NXPH1: variants seen among roughly 807,000 people sequenced by gnomAD.
NXPH1 encodes neurexophilin-1.
A neutral mutation model predicts 23.7 loss-of-function variants in NXPH1; 5 were observed. The observed-to-expected ratio is 0.21, with a 90% confidence interval of 0.11 to 0.44. The LOEUF is 0.44. Ranked by LOEUF, NXPH1 falls within the 20% of genes least tolerant of loss-of-function variation. NXPH1 has a pLI of 0.99. For missense variants in NXPH1, 324 were observed against 321.6 expected, an observed-to-expected ratio of 1.01 and a Z score of -0.06; for synonymous variants, 144 against 122.2, an observed-to-expected ratio of 1.18 and a Z score of -1.18.
intron 2 of NXPH1, among the ~76,000 whole-genome samples, chr7:8,721,739 C>T (rs976901520): frequency 2.6e-5 from 4 of 152,128 alleles, no homozygotes; most frequent in African/African-American, 4.8e-5. Flanking sequence ...GATTGTGCCA[C>T]GCACTCCAGC....
chr7:8,747,362 T>C (rs1190848170), intron 2 of NXPH1, among the ~76,000 whole-genome samples: 4 of 152,242 alleles, frequency 2.6e-5, no homozygotes, highest in Non-Finnish European at 5.9e-5. Context: ...TTTGAATAGA[T>C]TGATTCTTCC....
Position 8,465,270 on chromosome 7 carries a change from C to T in NXPH1, c.54+29503C>T, listed in dbSNP as rs567847094. ...GCATCTTTACAGAAACATTTTTCTA[C>T]TGGAATTTCTGTTATAGCCCCCTTT... is the stretch of plus-strand genomic sequence containing the variant. On this transcript the variant is annotated intron_variant, in intron 2 of 2. Transcript: ENST00000405863. Among the ~76,000 whole-genome samples, 3 of 152,314 alleles carry T rather than the reference C, an allele frequency of 2.0e-5. No individual in the cohort carries two copies. In the East Asian group the frequency reaches 5.8e-4, roughly 29 times the overall value.
At chr7:8,743,725 C>T (rs1056834813) in intron 2 of NXPH1, among the ~76,000 whole-genome samples, 1 of 150,990 alleles carries the variant, frequency 6.6e-6, no homozygotes, top group East Asian at 1.9e-4. Flanking sequence ...GCTCTGTGGC[C>T]CAGGCTGGAG....
intron 2 of NXPH1, among the ~76,000 whole-genome samples, chr7:8,498,650 T>C (rs766753161): frequency 1.2e-4 from 18 of 152,082 alleles, no homozygotes; most frequent in Admixed American, 5.9e-4. Flanking sequence ...TGGGAAATTA[T>C]AGCATGATGG....
intron 2 of NXPH1, among the ~76,000 whole-genome samples, chr7:8,537,486 C>T (rs1584219090): frequency 6.6e-6 from 1 of 151,854 alleles, no homozygotes; most frequent in Admixed American, 6.6e-5. Flanking sequence ...GGGGAAAAGC[C>T]TCTTATAAAA....
rs1780208508 is a variant in NXPH1 at position 8,734,342 on chromosome 7, G to T, written c.55-16666G>T. On this transcript the variant is annotated intron_variant, in intron 2 of 2. Coordinates refer to ENST00000405863, the MANE Select transcript of NXPH1 (RefSeq NM_152745.3). The stretch of plus-strand genomic sequence containing the variant: ...AGCTTTGTTCTTTTTGCTTAGGATT[G>T]TCTTGGCTATACGGGCTCTTTTTTG... Among the ~76,000 whole-genome samples, 4 of 152,158 alleles carry T rather than the reference G, an allele frequency of 2.6e-5. No homozygotes were observed. In the South Asian group the frequency reaches 8.3e-4, roughly 32 times the overall value.
intron 2 of NXPH1, among the ~76,000 whole-genome samples, chr7:8,621,473 A>G (rs1819868940): frequency 1.3e-5 from 2 of 149,746 alleles, no homozygotes; most frequent in South Asian, 4.5e-4. Flanking sequence ...TTGAGAAACA[A>G]TAACATGCTA....
At chr7:8,467,854 C>G (rs998787260) in intron 2 of NXPH1, among the ~76,000 whole-genome samples, 8 of 152,216 alleles carry the variant, frequency 5.3e-5, no homozygotes, top group Non-Finnish European at 8.8e-5. Context: ...CTGTTTTCTT[C>G]TAGAAAATTT....
Position 8,551,315 on chromosome 7 carries a change from G to A in NXPH1, c.54+115548G>A, listed in dbSNP as rs28495090. Among the ~76,000 whole-genome samples the A allele has an allele frequency of 4.1e-3, 627 of 151,540 alleles. 2 individuals are homozygous for A. Among genetic ancestry groups the A allele is most frequent in the African/African-American group, 0.015 (611 of 41,446 alleles). ...AAAGAAGTGTTTGCTACTGTATGTT[G>A]TGATCAAAATGATGAATTCTGAGCA... On this transcript the variant is annotated intron_variant, in intron 2 of 2. Transcript: ENST00000405863.
intron 2 of NXPH1, among the ~76,000 whole-genome samples, chr7:8,485,628 T>C (rs1276003481): frequency 6.6e-6 from 1 of 152,036 alleles, no homozygotes; most frequent in African/African-American, 2.4e-5. Context: ...AGACTAGAGG[T>C]ATAGTATTTT....
At chr7:8,704,801 A>G (rs984205882) in intron 2 of NXPH1, among the ~76,000 whole-genome samples, 1 of 152,086 alleles carries the variant, frequency 6.6e-6, no homozygotes, top group African/African-American at 2.4e-5. Context: ...CTTGACTTGC[A>G]TCACCACAGT....
chr7:8,594,629 A>G (rs1171412621), intron 2 of NXPH1, among the ~76,000 whole-genome samples: 1 of 151,882 alleles, frequency 6.6e-6, no homozygotes, highest in Non-Finnish European at 1.5e-5. Flanking sequence ...ACAAAATGAT[A>G]TGAGGACTTG....
intron 2 of NXPH1, among the ~76,000 whole-genome samples, chr7:8,486,817 C>A (rs1014379432): frequency 2.6e-5 from 4 of 152,112 alleles, no homozygotes; most frequent in African/African-American, 9.7e-5. Flanking sequence ...TATTTTTGAT[C>A]TGGTTAATTC....
chr7:8,632,384 C>G (rs1217589584), intron 2 of NXPH1, among the ~76,000 whole-genome samples: 1 of 152,124 alleles, frequency 6.6e-6, no homozygotes, highest in Non-Finnish European at 1.5e-5. Context: ...CCATTGCTTA[C>G]CTGTTTACAT....
intron 2 of NXPH1, among the ~76,000 whole-genome samples, chr7:8,674,691 G>C (rs1197477504): frequency 1.3e-5 from 2 of 152,178 alleles, no homozygotes; most frequent in African/African-American, 4.8e-5. Flanking sequence ...CATAGTCACA[G>C]AGGGGTTCAA....
chr7:8,460,624 C>A (rs900632415), intron 2 of NXPH1, among the ~76,000 whole-genome samples: 3 of 152,164 alleles, frequency 2.0e-5, no homozygotes, highest in Non-Finnish European at 2.9e-5. Flanking sequence ...TAGCTCTGAT[C>A]CCTCTAGATG....
intron 2 of NXPH1, among the ~76,000 whole-genome samples, chr7:8,561,845 C>CA (rs1026986285): frequency 1.3e-4 from 19 of 151,496 alleles, no homozygotes; most frequent in African/African-American, 4.4e-4. Flanking sequence ...AGTCGGCAAA[C>CA]AATGGGGAAA....
intron 2 of NXPH1, among the ~76,000 whole-genome samples, chr7:8,461,836 C>CAAAA (rs748848772): frequency 4.3e-4 from 18 of 41,764 alleles, no homozygotes; most frequent in East Asian, 1.2e-3. Flanking sequence ...GACTCCGTCT[C>CAAAA]AAAAAAAAAA....
At chr7:8,507,618 T>A (rs1284660371) in intron 2 of NXPH1, among the ~76,000 whole-genome samples, 1 of 152,134 alleles carries the variant, frequency 6.6e-6, no homozygotes, top group Non-Finnish European at 1.5e-5. Context: ...ACATGTTTCA[T>A]AATCTTCTAA....
Sources: allele counts gnomAD v4.1 joint callset (sites outside exome capture counted in the v4.1 genomes callset), GRCh38; gene constraint gnomAD v4.1.1; transcripts MANE v1.5; gene names NCBI Gene and HGNC (gene_info 2026-07-23, HGNC 2026-07-21).